LAMB1: variants seen among roughly 807,000 people sequenced by gnomAD.
LAMB1 encodes the protein laminin subunit beta-1.
LAMB1 carries 121 observed loss-of-function variants against 222.3 expected under a neutral mutation model. That is an observed-to-expected ratio of 0.54 (90% CI 0.47 to 0.63). The LOEUF (loss-of-function observed/expected upper bound fraction) is 0.63. Ranked by LOEUF, LAMB1 falls within the 30% of genes least tolerant of loss-of-function variation. The probability of loss-of-function intolerance (pLI) is 0.00; values close to 1 mark genes in which losing one functional copy is unlikely to be tolerated. For synonymous variants in LAMB1, 794 were observed against 807.2 expected (o/e 0.98, Z 0.28); for missense variants, 2,172 against 2,240.8 (o/e 0.97, Z 0.62).
chr7:107,978,018 T>C, intron 9 of LAMB1, 29 bp downstream of exon 9: 1 of 1,613,534 alleles, frequency 6.2e-7, no homozygotes, highest in South Asian at 1.1e-5. Context: ...CCTGAATGGA[T>C]TTAAAATGTC....
chr7:107,931,256 A>G lies in LAMB1; in HGVS notation c.4537+100T>C. On this transcript the variant is annotated intron_variant, in intron 29 of 33. Coordinates refer to ENST00000222399, the MANE Select transcript of LAMB1 (RefSeq NM_002291.3). ...ATACGGACGTTTTTCTTATTTGGAA[A>G]TGTCACTTAGTACCCTGACAGAAAT... The G allele has an allele frequency of 2.9e-6, 3 of 1,027,396 alleles. No individual in the cohort carries two copies. In the South Asian group the frequency reaches 4.5e-5, roughly 15 times the overall value. 63.6% of individuals were successfully genotyped at this position (1,027,396 alleles called of 1,614,324 possible).
chr7:107,973,049 T>C lies in LAMB1; in HGVS notation c.1505A>G (p.Asn502Ser), dbSNP rs202065996. ...ACATGGTCGACATCCATCCAAATCA[T>C]TGCTTAAGCCCCAGTGCTCTGGCTG... ...QCLPEHWGLS[N>S]DLDGCRPCDC... Residue 502 changes from asparagine (N) to serine (S), a missense_variant, in exon 13 of 34, where the codon AAT (asparagine) becomes AGT (serine). By Grantham distance (46) the Asn-to-Ser change is conservative. Coordinates refer to ENST00000222399, the MANE Select transcript of LAMB1 (RefSeq NM_002291.3). The C allele has an allele frequency of 8.1e-6, 13 of 1,613,870 alleles. No individual in the cohort carries two copies. The highest frequency in any genetic ancestry group is 2.2e-5 in the East Asian group (1 of 44,900).
chr7:107,987,185 G>T (rs2034095722), intron 5 of LAMB1, among the ~76,000 whole-genome samples: 1 of 152,206 alleles, frequency 6.6e-6, no homozygotes, highest in African/African-American at 2.4e-5. Flanking sequence ...TATGCTAAGA[G>T]AAATAAGCCA....
At chr7:107,950,979 A>C in intron 24 of LAMB1, 1 of 387,214 alleles carries the variant, frequency 2.6e-6, no homozygotes, top group Non-Finnish European at 4.8e-6. Context: ...CACAGAAACA[A>C]ACTTTACCCC....
At chr7:107,948,395 A>G (rs2033174631) in intron 24 of LAMB1, among the ~76,000 whole-genome samples, 1 of 152,206 alleles carries the variant, frequency 6.6e-6, no homozygotes, top group Non-Finnish European at 1.5e-5. Flanking sequence ...TGAAAAAAAC[A>G]AAACTAAAGA....
chr7:107,934,019 GAATC>G (rs1241639212), intron 27 of LAMB1, among the ~76,000 whole-genome samples: 1 of 152,084 alleles, frequency 6.6e-6, no homozygotes, highest in African/African-American at 2.4e-5. Flanking sequence ...TGTAAGGAAG[GAATC>G]AATGCTGAAG....
At chr7:107,968,479 T>C (rs1196079296) in intron 13 of LAMB1, among the ~76,000 whole-genome samples, 1 of 152,132 alleles carries the variant, frequency 6.6e-6, no homozygotes, top group East Asian at 1.9e-4. Context: ...GCAGATGTGA[T>C]TAAGGGTAAG....
At position 107,952,080 on chromosome 7, in the gene LAMB1, G is replaced by A. The variant is rs1562985594; in HGVS notation, c.3223C>T (p.Leu1075=). The A allele has an allele frequency of 6.2e-7, 1 of 1,614,120 alleles. No homozygotes were observed. The highest frequency in any genetic ancestry group is 8.5e-7 in the Non-Finnish European group (1 of 1,180,004). The change falls in exon 23 of 34, where the codon CTG becomes TTG. Residue 1075 remains leucine, a synonymous_variant. Coordinates refer to ENST00000222399, the MANE Select transcript of LAMB1 (RefSeq NM_002291.3). ...CDRCAPNTWQ[L]ASGTGCDPCN... is the part of the protein sequence containing the mutation. ...GGGTCACAGCCAGTGCCACTGGCCA[G>A]CTGCCAGGTATTGGGCGCACAGCGG... is the stretch of plus-strand genomic sequence containing the variant.
Position 107,937,277 on chromosome 7 carries a change from C to T in LAMB1, c.3762G>A (p.Glu1254=). The change falls in exon 26 of 34, where the codon GAG becomes GAA. Residue 1254 remains glutamate, a splice_region_variant and synonymous_variant. Transcript: ENST00000222399. ...TTTCTGTAACATCTTTAATCAGTTT[C>T]CTGTAAAGAGAAAGTTAAGCTTACT... is the stretch of plus-strand genomic sequence containing the variant. ...KNIGNLFEEA[E]KLIKDVTEMM... The T allele has an allele frequency of 6.2e-7, 1 of 1,611,306 alleles. No individual in the cohort carries two copies. Among genetic ancestry groups the T allele is most frequent in the Non-Finnish European group, 8.5e-7 (1 of 1,178,580 alleles).
rs1340238773 is a variant in LAMB1 at position 107,923,893 on chromosome 7, G to C, written c.*58C>G. On this transcript the variant is annotated 3_prime_UTR_variant, in exon 34 of 34. Coordinates refer to ENST00000222399, the MANE Select transcript of LAMB1 (RefSeq NM_002291.3). ...TTTTATTTTGAAGAGCATTAAGTCA[G>C]TTTTTAAAATGTAGTTGTTTTACCT... The C allele has an allele frequency of 6.8e-7, 1 of 1,481,466 alleles. No individual in the cohort carries two copies. Among genetic ancestry groups the C allele is most frequent in the African/African-American group, 1.5e-5 (1 of 68,958 alleles). The allele number at this position is 1,481,466 out of a possible 1,614,324, so 91.8% of individuals were successfully genotyped here.
intron 4 of LAMB1, among the ~76,000 whole-genome samples, chr7:107,997,530 G>A (rs1324309242): frequency 6.6e-6 from 1 of 152,194 alleles, no homozygotes; most frequent in Non-Finnish European, 1.5e-5. Flanking sequence ...AGCCTGCCCA[G>A]GTGTACTGCA....
chr7:107,996,115 A>C lies in LAMB1; in HGVS notation c.350-1155T>G, dbSNP rs373843141. ...TGAGTGAAATGTTAGGCAACTGTAC[A>C]TCTCTCCTCTTCCAGGCTTTTAAAA... On this transcript the variant is annotated intron_variant, in intron 4 of 33. Coordinates refer to ENST00000222399, the MANE Select transcript of LAMB1 (RefSeq NM_002291.3). 7.9e-5 allele frequency among the ~76,000 whole-genome samples: 12 copies of C among 152,320 alleles called. 1 individual carries two copies. The East Asian group carries it at 9.6e-4, about 12-fold the overall frequency.
chr7:107,943,720 A>G (rs1242021058), intron 24 of LAMB1, among the ~76,000 whole-genome samples: 1 of 152,150 alleles, frequency 6.6e-6, no homozygotes, highest in Non-Finnish European at 1.5e-5. Flanking sequence ...ACTGATGTTC[A>G]CAGTCACGCG....
chr7:107,924,194 G>A, intron 33 of LAMB1, 36 bp downstream of exon 33: 1 of 1,569,132 alleles, frequency 6.4e-7, no homozygotes, highest in Non-Finnish European at 8.6e-7. Flanking sequence ...ATGCCTTAAA[G>A]TAATTTAAAA....
intron 28 of LAMB1, 132 bp from the exon 29 acceptor site, chr7:107,931,632 T>C: frequency 1.2e-6 from 1 of 826,556 alleles, no homozygotes. Context: ...AACAACTTTC[T>C]CCCATTCAAC....
At chr7:107,981,002 G>C (rs1209193274) in intron 7 of LAMB1, among the ~76,000 whole-genome samples, 191 bp from the exon 8 acceptor site, 1 of 152,040 alleles carries the variant, frequency 6.6e-6, no homozygotes, top group Non-Finnish European at 1.5e-5. Flanking sequence ...AAAGGTTACT[G>C]CCCTCTCATC....
At chr7:107,996,888 G>A (rs1442257973) in intron 4 of LAMB1, among the ~76,000 whole-genome samples, 3 of 152,206 alleles carry the variant, frequency 2.0e-5, no homozygotes, top group East Asian at 1.9e-4. Context: ...AATGTTCCTA[G>A]TCTTTGTTCA....
At chr7:107,970,506 G>GT (rs1554409101) in intron 13 of LAMB1, among the ~76,000 whole-genome samples, 9 of 25,502 alleles carry the variant, frequency 3.5e-4, no homozygotes, top group Admixed American at 1.7e-3. Context: ...AAAAAAAAAA[G>GT]GGGGGGGTGG....
chr7:107,947,613 C>T (rs924555896), intron 24 of LAMB1, among the ~76,000 whole-genome samples: 1 of 152,214 alleles, frequency 6.6e-6, no homozygotes, highest in Non-Finnish European at 1.5e-5. Flanking sequence ...CCTGTTGCCA[C>T]CCTGTCTGCA....
Sources: gnomAD v4.1 joint callset for allele counts (sites outside exome capture counted in the v4.1 genomes callset) on GRCh38, gnomAD v4.1.1 for gene constraint, MANE v1.5 for transcripts, NCBI Gene and HGNC (gene_info 2026-07-23, HGNC 2026-07-21) for gene names.